BICC1: variants seen among roughly 807,000 people sequenced by gnomAD.
BICC1 encodes the protein protein bicaudal C homolog 1.
BICC1 carries 43 observed loss-of-function variants against 111.0 expected under a neutral mutation model. That is an observed-to-expected ratio of 0.39 (90% CI 0.30 to 0.50). BICC1 has a LOEUF of 0.50. Ranked by LOEUF, BICC1 falls within the 20% of genes least tolerant of loss-of-function variation. The probability of loss-of-function intolerance (pLI) is 0.88; values close to 1 mark genes in which losing one functional copy is unlikely to be tolerated. For synonymous variants in BICC1, 467 were observed against 434.4 expected, an observed-to-expected ratio of 1.07 and a Z score of -0.93; for missense variants, 1,091 against 1,203.2, an observed-to-expected ratio of 0.91 and a Z score of 1.38.
chr10:58,769,439 A>T (rs552009443), intron 3 of BICC1, among the ~76,000 whole-genome samples: 1 of 113,072 alleles, frequency 8.8e-6, no homozygotes, highest in Non-Finnish European at 2.0e-5. Context: ...CACAGTATAT[A>T]TCTTTAATAG....
chr10:58,785,165 G>T, intron 4 of BICC1, 85 bp downstream of exon 4: 1 of 717,182 alleles, frequency 1.4e-6, no homozygotes, highest in Non-Finnish European at 2.2e-6. Context: ...ACCATTTGGA[G>T]AAGAAAAACC....
At position 58,696,174 on chromosome 10, in the gene BICC1, G is replaced by C. The variant is rs550707553; in HGVS notation, c.238-5900G>C. 2.1e-4 allele frequency among the ~76,000 whole-genome samples: 32 copies of C among 152,112 alleles called. No homozygotes were observed. In the Middle Eastern group the frequency reaches 0.01, roughly 49 times the overall value. On this transcript the variant is annotated intron_variant, in intron 2 of 20. Transcript: ENST00000373886. The stretch of plus-strand genomic sequence containing the variant: ...GGTACCTTTTTAATGTGGAAAAGAA[G>C]TACTTAAGTCTTGGATCAGGGAACA...
Position 58,533,035 on chromosome 10 carries a change from AAAT to A in BICC1, c.190+19705_190+19707del, listed in dbSNP as rs1321736282. Among the ~76,000 whole-genome samples the A allele has an allele frequency of 5.3e-5, 8 of 151,802 alleles. No homozygotes were observed. In the East Asian group the frequency reaches 1.6e-3, roughly 30 times the overall value. ...GTTAACTTTCTGGAGGGTCAAAAGA[AAAT>A]AACATCTGCCTCCGTCCCAAAAAGA... On this transcript the variant is annotated intron_variant, in intron 1 of 20. Coordinates refer to ENST00000373886, the MANE Select transcript of BICC1 (RefSeq NM_001080512.3).
Position 58,798,396 on chromosome 10 carries a change from C to A in BICC1, c.1367-3C>A. ...ATTGACTTTATATATTCATTTATTA[C>A]AGGTCTTTTGGGACCCACCACCTTA... On this transcript the variant is annotated splice_region_variant and splice_polypyrimidine_tract_variant and intron_variant, in intron 10 of 20. Coordinates refer to ENST00000373886, the MANE Select transcript of BICC1 (RefSeq NM_001080512.3). 6.4e-7 allele frequency: 1 copy of A among 1,555,018 alleles called. No homozygotes were observed. The highest frequency in any genetic ancestry group is 8.6e-7 in the Non-Finnish European group (1 of 1,156,448).
chr10:58,527,590 AGTTT>A (rs1156265786), intron 1 of BICC1, among the ~76,000 whole-genome samples: 1 of 152,110 alleles, frequency 6.6e-6, no homozygotes, highest in Admixed American at 6.6e-5. Context: ...ATCTTGAGTT[AGTTT>A]TTGTATAAGG....
At chr10:58,604,323 C>A (rs978932192) in intron 1 of BICC1, among the ~76,000 whole-genome samples, 2 of 152,054 alleles carry the variant, frequency 1.3e-5, no homozygotes, top group African/African-American at 4.8e-5. Flanking sequence ...TCAAATTTAA[C>A]CATAATCTTT....
chr10:58,608,753 T>C (rs769324614), intron 1 of BICC1, among the ~76,000 whole-genome samples: 1 of 152,224 alleles, frequency 6.6e-6, no homozygotes, highest in Non-Finnish European at 1.5e-5. Context: ...GTTATGCCAC[T>C]GGTAAATGGC....
At chr10:58,630,746 G>C (rs986028439) in intron 2 of BICC1, among the ~76,000 whole-genome samples, 5 of 152,258 alleles carry the variant, frequency 3.3e-5, no homozygotes, top group African/African-American at 1.2e-4. Context: ...TCTTCAAAGG[G>C]TTTATGCATT....
intron 2 of BICC1, among the ~76,000 whole-genome samples, chr10:58,643,991 A>G (rs888003403): frequency 2.1e-4 from 32 of 152,142 alleles, no homozygotes; most frequent in East Asian, 1.3e-3. Flanking sequence ...TTTGCTTTCT[A>G]TTGTGTGCTA....
intron 3 of BICC1, among the ~76,000 whole-genome samples, chr10:58,765,773 G>A (rs1297917015): frequency 6.6e-6 from 1 of 152,166 alleles, no homozygotes; most frequent in Non-Finnish European, 1.5e-5. Flanking sequence ...TACCTCTGGT[G>A]CTCTGCACTT....
rs897344419 is a variant in BICC1, at chr10:58,618,216, G to A, written c.191-2639G>A. Among the ~76,000 whole-genome samples, 4 of 152,080 alleles carry A rather than the reference G, an allele frequency of 2.6e-5. No individual in the cohort carries two copies. In the East Asian group the frequency reaches 7.7e-4, roughly 29 times the overall value. ...TGTGTGTTGGAGCTGTGTGTCCAAGGCCTATGTCTCCCTTGGCCTAGGGGG... is the reference window on the plus strand; with the variant it reads ...TGTGTGTTGGAGCTGTGTGTCCAAGACCTATGTCTCCCTTGGCCTAGGGGG... On this transcript the variant is annotated intron_variant, in intron 1 of 20. Coordinates refer to ENST00000373886, the MANE Select transcript of BICC1 (RefSeq NM_001080512.3).
intron 1 of BICC1, among the ~76,000 whole-genome samples, chr10:58,545,842 A>G (rs1843124530): frequency 6.6e-6 from 1 of 152,132 alleles, no homozygotes; most frequent in Non-Finnish European, 1.5e-5. Context: ...TACCTGAACA[A>G]CCCAAACTCC....
At chr10:58,626,575 T>A (rs1837631918) in intron 2 of BICC1, among the ~76,000 whole-genome samples, 1 of 152,192 alleles carries the variant, frequency 6.6e-6, no homozygotes, top group Admixed American at 6.5e-5. Flanking sequence ...TTGCTCATCA[T>A]TCTCCTAGTC....
chr10:58,691,315 TAATA>T (rs1182530235), intron 2 of BICC1, among the ~76,000 whole-genome samples: 1 of 152,214 alleles, frequency 6.6e-6, no homozygotes, highest in African/African-American at 2.4e-5. Context: ...AGTTCAAGTT[TAATA>T]AATCTCTTTG....
chr10:58,515,598 C>T (rs1051094978), intron 1 of BICC1, among the ~76,000 whole-genome samples: 18 of 152,240 alleles, frequency 1.2e-4, no homozygotes, highest in Non-Finnish European at 1.9e-4. Context: ...TATAATCTTA[C>T]GGGACCATTG....
At chr10:58,558,416 C>T (rs752571248) in intron 1 of BICC1, among the ~76,000 whole-genome samples, 10 of 152,068 alleles carry the variant, frequency 6.6e-5, no homozygotes, top group East Asian at 5.8e-4. Flanking sequence ...TCATGCTTTT[C>T]GCGTCACAAT....
chr10:58,706,710 C>T (rs1840396483), intron 3 of BICC1, among the ~76,000 whole-genome samples: 1 of 152,150 alleles, frequency 6.6e-6, no homozygotes, highest in Non-Finnish European at 1.5e-5. Context: ...AAAGTTCTTC[C>T]TTCCCACGCC....
At chr10:58,637,505 C>T (rs931122371) in intron 2 of BICC1, among the ~76,000 whole-genome samples, 1 of 152,224 alleles carries the variant, frequency 6.6e-6, no homozygotes, top group African/African-American at 2.4e-5. Context: ...GTGTCTCAGC[C>T]ACAAGAATTT....
At chr10:58,653,475 A>G (rs1254333095) in intron 2 of BICC1, among the ~76,000 whole-genome samples, 1 of 152,286 alleles carries the variant, frequency 6.6e-6, no homozygotes, top group African/African-American at 2.4e-5. Flanking sequence ...TTTCATAAGC[A>G]TCAAACTGTG....
Sources: allele counts gnomAD v4.1 joint callset (sites outside exome capture counted in the v4.1 genomes callset), GRCh38; gene constraint gnomAD v4.1.1; transcripts MANE v1.5; gene names NCBI Gene and HGNC (gene_info 2026-07-23, HGNC 2026-07-21).